Variants in CCDC171 observed in about 807,000 individuals in gnomAD.
CCDC171 encodes coiled-coil domain-containing protein 171.
A neutral mutation model predicts 168.2 loss-of-function variants in CCDC171; 177 were observed. The ratio of observed to expected loss-of-function variants is 1.05; its 90% confidence interval spans 0.93 to 1.19. The LOEUF (loss-of-function observed/expected upper bound fraction) is 1.19. Ranked by LOEUF, CCDC171 falls within the 50% of genes most tolerant of loss-of-function variation. CCDC171 has a pLI of 0.00. For missense variants in CCDC171, 1,991 were observed against 1,539.0 expected (o/e 1.29, Z -4.91); for synonymous variants, 687 against 540.8 (o/e 1.27, Z -3.75).
intron 6 of CCDC171, among the ~76,000 whole-genome samples, chr9:15,601,314 G>C (rs1210080577): frequency 6.6e-6 from 1 of 152,190 alleles, no homozygotes; most frequent in African/African-American, 2.4e-5. Context: ...AAAGCTGGTA[G>C]TGAACATTGG....
chr9:16,042,655 C>T (rs1833591336), upstream of CCDC171: 1 of 152,130 alleles, frequency 6.6e-6, no homozygotes, highest in Non-Finnish European at 1.5e-5. Flanking sequence ...CCATCAAGAA[C>T]TGTCAAGCTA....
At chr9:15,624,122 T>C (rs2044823924) in intron 7 of CCDC171, among the ~76,000 whole-genome samples, 1 of 152,164 alleles carries the variant, frequency 6.6e-6, no homozygotes, top group Non-Finnish European at 1.5e-5. Flanking sequence ...TTAAACTCAC[T>C]GTGTCACTTA....
chr9:15,786,842 A>G (rs1387040558), intron 21 of CCDC171, among the ~76,000 whole-genome samples: 1 of 151,990 alleles, frequency 6.6e-6, no homozygotes, highest in Non-Finnish European at 1.5e-5. Context: ...TCTCCCCACC[A>G]TGCACCTTTT....
At chr9:15,674,113 C>T (rs1325690320) in intron 9 of CCDC171, among the ~76,000 whole-genome samples, 1 of 152,160 alleles carries the variant, frequency 6.6e-6, no homozygotes, top group East Asian at 1.9e-4. Context: ...TCCATTTCTT[C>T]TAGATTTTCT....
chr9:15,717,272 C>T (rs545685709), intron 11 of CCDC171, among the ~76,000 whole-genome samples: 2 of 152,148 alleles, frequency 1.3e-5, no homozygotes, highest in Non-Finnish European at 2.9e-5. Flanking sequence ...CCAGTGCTCA[C>T]GGAGGGAACA....
At chr9:15,799,108 A>G (rs1467495476) in intron 21 of CCDC171, among the ~76,000 whole-genome samples, 1 of 140,290 alleles carries the variant, frequency 7.1e-6, no homozygotes. Flanking sequence ...TTTTAAAAAT[A>G]AGAAAACAAT....
Position 15,779,073 on chromosome 9 carries a change from C to T in CCDC171, c.3004C>T (p.Arg1002Ter), listed in dbSNP as rs921578844. 12 of 1,604,038 alleles carry T rather than the reference C, an allele frequency of 7.5e-6. No homozygotes were observed. Among genetic ancestry groups the T allele is most frequent in the African/African-American group, 5.4e-5 (4 of 74,628 alleles). ...SLRLEVTEFK[R>*]SVNEMKKELD... Reference sequence around the variant, plus strand: ...ACGCTTAGAGGTCACAGAATTCAAACGAAGTGTGAATGAAATGAAAAAGGA... The same window carrying T: ...ACGCTTAGAGGTCACAGAATTCAAATGAAGTGTGAATGAAATGAAAAAGGA... The change falls in exon 20 of 26, where the codon CGA becomes TGA. Residue 1002 changes from arginine (R) to a stop codon, truncating the protein, a stop_gained. Coordinates refer to ENST00000380701, the MANE Select transcript of CCDC171 (RefSeq NM_173550.4). LOFTEE classifies it high-confidence loss of function.
chr9:16,101,392 T>C, the CCDC171 span, among the ~76,000 whole-genome samples: 1 of 152,350 alleles, frequency 6.6e-6, no homozygotes, highest in Admixed American at 6.5e-5. Context: ...TTTCTTCTAT[T>C]AGGCAGAATT....
At chr9:15,566,155 T>A (rs1410068583) in intron 2 of CCDC171, among the ~76,000 whole-genome samples, 1 of 152,204 alleles carries the variant, frequency 6.6e-6, no homozygotes, top group Non-Finnish European at 1.5e-5. Flanking sequence ...GTATCTTCAT[T>A]GGTGAAATGT....
intron 24 of CCDC171, among the ~76,000 whole-genome samples, chr9:15,890,517 G>T (rs76106421): frequency 0.011 from 1,652 of 150,062 alleles, 31 homozygotes; most frequent in African/African-American, 0.039. Context: ...GGATTGACCT[G>T]GAGGATTGGT....
At chr9:15,720,274 C>T (rs2053392237) in intron 11 of CCDC171, among the ~76,000 whole-genome samples, 1 of 152,106 alleles carries the variant, frequency 6.6e-6, no homozygotes, top group Non-Finnish European at 1.5e-5. Context: ...TTCTTTATTA[C>T]TGCCTTCCCC....
chr9:15,593,905 T>C (rs764120102), intron 5 of CCDC171, 136 bp from the exon 6 acceptor site: 28 of 603,782 alleles, frequency 4.6e-5, no homozygotes, highest in Non-Finnish European at 7.0e-5. Context: ...TATAGTTTTA[T>C]TAATGATTTT....
At chr9:15,643,159 T>G (rs2046774547) in intron 7 of CCDC171, among the ~76,000 whole-genome samples, 1 of 152,158 alleles carries the variant, frequency 6.6e-6, no homozygotes. Context: ...ATTTTGGTCC[T>G]TTGCTAGCTT....
At chr9:15,874,442 A>G (rs1817574445) in intron 23 of CCDC171, 90 bp from the exon 24 acceptor site, 4 of 1,103,668 alleles carry the variant, frequency 3.6e-6, no homozygotes, top group Non-Finnish European at 5.0e-6. Context: ...GATCAATGCA[A>G]GTCCACTCAG....
intron 3 of CCDC171, among the ~76,000 whole-genome samples, chr9:15,999,867 C>T (rs1832488234): frequency 6.6e-6 from 1 of 152,144 alleles, no homozygotes; most frequent in African/African-American, 2.4e-5. Context: ...GCTCCTATGA[C>T]TCAGCTTGGG....
intron 21 of CCDC171, among the ~76,000 whole-genome samples, chr9:15,828,538 T>C (rs2060107490): frequency 6.6e-6 from 1 of 152,184 alleles, no homozygotes; most frequent in African/African-American, 2.4e-5. Flanking sequence ...AAAGATTTAC[T>C]TAGCAAGTAG....
At chr9:15,633,827 T>C (rs1039372112) in intron 7 of CCDC171, among the ~76,000 whole-genome samples, 2 of 152,204 alleles carry the variant, frequency 1.3e-5, no homozygotes, top group Admixed American at 1.3e-4. Flanking sequence ...ATATACACCA[T>C]GGAATAGTAT....
chr9:15,797,711 T>G (rs2058628941), intron 21 of CCDC171, among the ~76,000 whole-genome samples: 1 of 152,188 alleles, frequency 6.6e-6, no homozygotes, highest in Non-Finnish European at 1.5e-5. Flanking sequence ...TTCTAACTTT[T>G]ATTGTTGTAG....
intron 16 of CCDC171, among the ~76,000 whole-genome samples, chr9:15,735,126 CAGTT>C (rs531689519): frequency 5.8e-4 from 89 of 152,276 alleles, no homozygotes; most frequent in Admixed American, 1.6e-3. Flanking sequence ...AGCTTTAAAA[CAGTT>C]AGTGTAAATG....
Sources: gnomAD v4.1 joint callset for allele counts (sites outside exome capture counted in the v4.1 genomes callset) on GRCh38, gnomAD v4.1.1 for gene constraint, MANE v1.5 for transcripts, NCBI Gene and HGNC (gene_info 2026-07-23, HGNC 2026-07-21) for gene names.